Variants in PTCD1 observed in about 807,000 individuals in gnomAD.
The protein encoded by PTCD1 is pentatricopeptide repeat domain 1, also known as pentatricopeptide repeat-containing protein 1, mitochondrial.
In PTCD1, 50 loss-of-function variants were observed where a neutral mutation model predicts 53.4. The observed-to-expected ratio is 0.94, with a 90% CI of 0.75 to 1.19. The LOEUF is 1.19. Among genes scored for constraint, PTCD1 ranks in the 50% most tolerant of loss-of-function variants. The probability of loss-of-function intolerance (pLI) is 0.00; values close to 1 mark genes in which losing one functional copy is unlikely to be tolerated. For synonymous variants in PTCD1, 413 were observed against 394.8 expected (o/e 1.05, Z -0.55); for missense variants, 918 against 904.8 (o/e 1.01, Z -0.19).
At position 99,424,679 on chromosome 7, in the gene PTCD1, C is replaced by T; in HGVS notation, c.1737+116G>A. On this transcript the variant is annotated intron_variant, in intron 6 of 7. Coordinates refer to ENST00000292478, the MANE Select transcript of PTCD1 (RefSeq NM_015545.4). ...GTCATTGACCCCACTCTCTTTGCCC[C>T]ATGCACAGTTCATCCTCTCCAGGTG... The T allele has an allele frequency of 5.1e-6, 7 of 1,378,690 alleles. No individual in the cohort carries two copies. In the South Asian group the frequency reaches 9.1e-5, roughly 18 times the overall value. The allele number at this position is 1,378,690 out of a possible 1,614,324, so 85.4% of individuals were successfully genotyped here. A position where few individuals can be genotyped will look rare whatever the true frequency, so the allele number is the denominator to read the frequency against.
rs1795837548 is a variant in PTCD1, at chr7:99,421,867, G to A, written c.1921-1718C>T. Among the ~76,000 whole-genome samples, 3 of 152,214 alleles carry A rather than the reference G, an allele frequency of 2.0e-5. No homozygotes were observed. The South Asian group carries it at 6.2e-4, about 32-fold the overall frequency. ...GTAGAAACTAACCCCGCACAAAGTC[G>A]ATCCTTACAGAGTTACATCCTGATA... On this transcript the variant is annotated intron_variant, in intron 7 of 7. Coordinates refer to ENST00000292478, the MANE Select transcript of PTCD1 (RefSeq NM_015545.4).
In PTCD1 at chr7:99,438,725, AG is replaced by A. The variant is rs1420643246; in HGVS notation, c.-61del. On this transcript the variant is annotated 5_prime_UTR_variant, in exon 1 of 8. Transcript: ENST00000292478. ...TCCGGCGCAGTGCACTCCGACGGGG[AG>A]CCCTGCCCGGTCCCCGCGGCGAACC... is the stretch of plus-strand genomic sequence containing the variant. The A allele has an allele frequency of 7.7e-7, 1 of 1,301,590 alleles. No individual in the cohort carries two copies. The highest frequency in any genetic ancestry group is 5.6e-5 in the East Asian group (1 of 18,006). The allele number at this position is 1,301,590 out of a possible 1,614,324, so 80.6% of individuals were successfully genotyped here. A position where few individuals can be genotyped will look rare whatever the true frequency, so the allele number is the denominator to read the frequency against.
chr7:99,429,205 C>T lies in PTCD1; in HGVS notation c.814-1G>A, dbSNP rs1191444031. 2.5e-6 allele frequency: 4 copies of T among 1,613,956 alleles called. No homozygotes were observed. Among genetic ancestry groups the T allele is most frequent in the Non-Finnish European group, 3.4e-6 (4 of 1,179,978 alleles). Reference sequence around the variant, plus strand: ...CCACGTGCCCTTTGTGGATGATTTCCTGGGGGAGGGAACAAAGACGTCCCA... The same window carrying T: ...CCACGTGCCCTTTGTGGATGATTTCTTGGGGGAGGGAACAAAGACGTCCCA... On this transcript the variant is annotated splice_acceptor_variant, in intron 4 of 7. Transcript: ENST00000292478. LOFTEE classifies it high-confidence loss of function.
intron 6 of PTCD1, among the ~76,000 whole-genome samples, chr7:99,424,455 T>C (rs1795939001): frequency 6.6e-6 from 1 of 152,160 alleles, no homozygotes; most frequent in Non-Finnish European, 1.5e-5. Context: ...CTCGGGGGCT[T>C]TGAAAACTGC....
rs572500966 is a variant in PTCD1 at position 99,432,008 on chromosome 7, G to A, written c.594+1270C>T. The stretch of plus-strand genomic sequence containing the variant: ...GGCAGTAGGCTTGATAAAAGTCATC[G>A]CCATTCTCCAATCTCGAGTACCCAG... On this transcript the variant is annotated intron_variant, in intron 3 of 7. Transcript: ENST00000292478. 2.6e-5 allele frequency among the ~76,000 whole-genome samples: 4 copies of A among 152,286 alleles called. No individual in the cohort carries two copies. The East Asian group carries it at 5.8e-4, about 22-fold the overall frequency.
chr7:99,426,048 G>A (rs368518097), intron 5 of PTCD1, among the ~76,000 whole-genome samples: 1 of 152,138 alleles, frequency 6.6e-6, no homozygotes, highest in Non-Finnish European at 1.5e-5. Context: ...CTGGGTGACA[G>A]AGCGAGAGTG....
At chr7:99,433,443 G>A in intron 2 of PTCD1, 25 bp from the exon 3 acceptor site, 3 of 1,614,028 alleles carry the variant, frequency 1.9e-6, no homozygotes, top group Non-Finnish European at 2.5e-6. Context: ...CAACAGGGCA[G>A]GGGCTCAGAA....
chr7:99,420,247 C>T, intron 7 of PTCD1, 98 bp from the exon 8 acceptor site: 2 of 1,552,056 alleles, frequency 1.3e-6, no homozygotes, highest in Non-Finnish European at 1.8e-6. Context: ...TGGTGGCTGC[C>T]ATTTTCCCTT....
rs1796414818 is a variant in PTCD1 at position 99,435,268 on chromosome 7, C to T, written c.-26G>A. On this transcript the variant is annotated splice_region_variant and 5_prime_UTR_variant, in exon 2 of 8. Coordinates refer to ENST00000292478, the MANE Select transcript of PTCD1 (RefSeq NM_015545.4). The stretch of plus-strand genomic sequence containing the variant: ...TTCTGGCTTTCCTGTCCCTCCAGGG[C>T]CTGGAATATATCAGGAAAAATAAGA... 1 of 1,600,254 alleles carries T rather than the reference C, an allele frequency of 6.2e-7. No individual in the cohort carries two copies. Among genetic ancestry groups the T allele is most frequent in the Non-Finnish European group, 8.5e-7 (1 of 1,179,954 alleles).
chr7:99,420,062 T>A lies in PTCD1; in HGVS notation c.2008A>T (p.Thr670Ser). 6.2e-7 allele frequency: 1 copy of A among 1,614,088 alleles called. No individual in the cohort carries two copies. The highest frequency in any genetic ancestry group is 8.5e-7 in the Non-Finnish European group (1 of 1,180,002). The change falls in exon 8 of 8, where the codon ACC becomes TCC. Residue 670 changes from threonine to serine, a missense_variant. By Grantham distance (58) the Thr-to-Ser change is moderately conservative. Transcript: ENST00000292478. ...QWLTVMPAEE[T>S]PHPWQKFRTK... ...CGGAACTTCTGCCAGGGGTGCGGGG[T>A]TTCCTCTGCGGGCATCACTGTCAGC...
chr7:99,428,524 A>C (rs1232389308), intron 5 of PTCD1, among the ~76,000 whole-genome samples: 1 of 151,766 alleles, frequency 6.6e-6, no homozygotes, highest in African/African-American at 2.4e-5. Context: ...GGCAGATCAC[A>C]TGAGGCCAGG....
chr7:99,430,012 C>T (rs1378504073), intron 3 of PTCD1, among the ~76,000 whole-genome samples: 1 of 152,216 alleles, frequency 6.6e-6, no homozygotes, highest in Non-Finnish European at 1.5e-5. Context: ...CCCACACACC[C>T]AGATGTACCA....
chr7:99,429,512 A>G (rs1049668035), intron 4 of PTCD1, 76 bp downstream of exon 4: 21 of 1,602,942 alleles, frequency 1.3e-5, no homozygotes, highest in Non-Finnish European at 1.4e-5. Flanking sequence ...ATGAGGAGAG[A>G]CAGACACCAC....
At chr7:99,424,450 G>C (rs1795938807) in intron 6 of PTCD1, among the ~76,000 whole-genome samples, 1 of 152,166 alleles carries the variant, frequency 6.6e-6, no homozygotes, top group Non-Finnish European at 1.5e-5. Context: ...CAGACCTCGG[G>C]GGCTTTGAAA....
Position 99,435,177 on chromosome 7 carries a change from T to TTGCA in PTCD1, c.62_65dup (p.Gln22HisfsTer8). The stretch of plus-strand genomic sequence containing the variant: ...ACCTGGCTCTACAGGGGTCCAGGTG[T>TTGCA]TGCAGGATGAACAGTCCCATGGGGC... On this transcript the variant is annotated frameshift_variant, in exon 2 of 8. Coordinates refer to ENST00000292478, the MANE Select transcript of PTCD1 (RefSeq NM_015545.4). LOFTEE classifies it high-confidence loss of function. 1 of 1,604,808 alleles carries TTGCA rather than the reference T, an allele frequency of 6.2e-7. No homozygotes were observed. The highest frequency in any genetic ancestry group is 8.5e-7 in the Non-Finnish European group (1 of 1,178,928).
chr7:99,437,329 T>C (rs996417389), intron 1 of PTCD1, among the ~76,000 whole-genome samples: 9 of 152,086 alleles, frequency 5.9e-5, no homozygotes, highest in Admixed American at 3.9e-4. Context: ...CTTTTCTTTT[T>C]TTTTTTTTGA....
chr7:99,426,918 A>G (rs1240399495), intron 5 of PTCD1, among the ~76,000 whole-genome samples: 1 of 143,212 alleles, frequency 7.0e-6, no homozygotes, highest in Non-Finnish European at 1.5e-5. Context: ...CCGTCTGAGA[A>G]ATGAGGAGAC....
chr7:99,429,767 T>C lies in PTCD1; in HGVS notation c.634A>G (p.Thr212Ala). The C allele has an allele frequency of 1.2e-6, 2 of 1,614,044 alleles. No individual in the cohort carries two copies. The highest frequency in any genetic ancestry group is 1.1e-5 in the South Asian group (1 of 91,088). The change falls in exon 4 of 8, where the codon ACG becomes GCG. Residue 212 changes from threonine (T) to alanine (A), a missense_variant. By Grantham distance (58) the Thr-to-Ala change is moderately conservative. Coordinates refer to ENST00000292478, the MANE Select transcript of PTCD1 (RefSeq NM_015545.4). The part of the protein sequence containing the change: ...RDLEPSDATY[T>A]ALFNVCAESP... ...TCGGCACAGACGTTGAACAGGGCCGTGTAGGTGGCGTCCGAGGGCTCCAGG... is the reference window on the plus strand; with the variant it reads ...TCGGCACAGACGTTGAACAGGGCCGCGTAGGTGGCGTCCGAGGGCTCCAGG...
Position 99,417,076 on chromosome 7 carries a change from TG to T in PTCD1, c.*2890del. On this transcript the variant is annotated 3_prime_UTR_variant, in exon 8 of 8. Coordinates refer to ENST00000292478, the MANE Select transcript of PTCD1 (RefSeq NM_015545.4). ...GCAATACTGAATGCCTTTTTTTTTT[TG>T]AGATGGAGTTTCGCTGTCACCCAGG... 8.5e-6 allele frequency: 2 copies of T among 236,510 alleles called. No homozygotes were observed. The highest frequency in any genetic ancestry group is 4.7e-5 in the South Asian group (1 of 21,358). The allele number at this position is 236,510 out of a possible 1,614,324, so 14.7% of individuals were successfully genotyped here. A position where few individuals can be genotyped will look rare whatever the true frequency, so the allele number is the denominator to read the frequency against.
Sources: allele counts gnomAD v4.1 joint callset (sites outside exome capture counted in the v4.1 genomes callset), GRCh38; gene constraint gnomAD v4.1.1; transcripts MANE v1.5; gene names NCBI Gene and HGNC (gene_info 2026-07-23, HGNC 2026-07-21).